Variants in DNAJC3 observed in about 807,000 individuals in gnomAD.
The protein encoded by DNAJC3 is dnaJ homolog subfamily C member 3.
DNAJC3 carries 38 observed loss-of-function variants against 68.6 expected under a neutral mutation model. The observed-to-expected ratio is 0.55, with a 90% CI of 0.43 to 0.73. The LOEUF is 0.73. DNAJC3 is among the 30% of genes least tolerant of loss of function. The pLI is 0.00. For missense variants in DNAJC3, 526 were observed against 591.9 expected (o/e 0.89, Z 1.16); for synonymous variants, 203 against 204.0 (o/e 1.00, Z 0.04).
chr13:95,690,189 T>C (rs891641619), intron 1 of DNAJC3, among the ~76,000 whole-genome samples: 4 of 151,874 alleles, frequency 2.6e-5, no homozygotes, highest in African/African-American at 9.7e-5. Flanking sequence ...TGATGACTCT[T>C]AAGGAGCATG....
Position 95,792,112 on chromosome 13 carries a change from A to C in DNAJC3, c.*1082A>C, listed in dbSNP as rs1883794974. On this transcript the variant is annotated 3_prime_UTR_variant, in exon 12 of 12. Coordinates refer to ENST00000602402, the MANE Select transcript of DNAJC3 (RefSeq NM_006260.5). ...CTTCTACCAGATCTTGATGCCTCTG[A>C]TTTTCTCCTGCCTACAAGAAAATAC... 1 of 151,938 alleles carries C rather than the reference A, an allele frequency of 6.6e-6. No homozygotes were observed. The allele number at this position is 151,938 out of a possible 1,614,324, so 9.4% of individuals were successfully genotyped here. A position where few individuals can be genotyped will look rare whatever the true frequency, so the allele number is the denominator to read the frequency against.
intron 9 of DNAJC3, among the ~76,000 whole-genome samples, chr13:95,766,529 G>T (rs775002794): frequency 1.3e-5 from 2 of 152,136 alleles, no homozygotes; most frequent in African/African-American, 2.4e-5. Context: ...GCTGTGTGAG[G>T]GCAGAGACCT....
At chr13:95,754,929 A>ACC (rs1882606246) in intron 4 of DNAJC3, among the ~76,000 whole-genome samples, 1 of 152,184 alleles carries the variant, frequency 6.6e-6, no homozygotes, top group South Asian at 2.1e-4. Flanking sequence ...AAGCTCAGTG[A>ACC]CCAGGATACA....
At chr13:95,719,404 A>G (rs1398768904) in intron 2 of DNAJC3, among the ~76,000 whole-genome samples, 1 of 152,170 alleles carries the variant, frequency 6.6e-6, no homozygotes, top group Non-Finnish European at 1.5e-5. Flanking sequence ...TCACTTAGGC[A>G]TGATGTATTA....
intron 4 of DNAJC3, among the ~76,000 whole-genome samples, chr13:95,732,653 T>G (rs12865086): frequency 2.6e-5 from 4 of 152,088 alleles, no homozygotes; most frequent in Admixed American, 6.5e-5. Context: ...CCTTGCATTG[T>G]TTTTTTAGTC....
intron 4 of DNAJC3, among the ~76,000 whole-genome samples, chr13:95,733,323 G>C (rs1190190994): frequency 6.6e-6 from 1 of 152,028 alleles, no homozygotes; most frequent in Non-Finnish European, 1.5e-5. Context: ...CCAGTGTTGG[G>C]TACATATATA....
intron 9 of DNAJC3, among the ~76,000 whole-genome samples, chr13:95,766,349 T>C (rs1307132383): frequency 6.6e-6 from 1 of 152,214 alleles, no homozygotes; most frequent in East Asian, 1.9e-4. Flanking sequence ...CTCTGAGATC[T>C]TGAAAAATCA....
chr13:95,691,147 AC>A (rs1328739613), intron 1 of DNAJC3, among the ~76,000 whole-genome samples: 27 of 122,000 alleles, frequency 2.2e-4, no homozygotes, highest in Admixed American at 4.1e-4. Flanking sequence ...CAGGGGGCTG[AC>A]CCCCCCACCT....
chr13:95,693,257 G>A (rs1389542488), intron 1 of DNAJC3: 1 of 152,056 alleles, frequency 6.6e-6, no homozygotes. Flanking sequence ...CCTTATTATT[G>A]GCAGCTTAGC....
At chr13:95,783,876 A>G (rs1410423928) in intron 9 of DNAJC3, among the ~76,000 whole-genome samples, 2 of 152,168 alleles carry the variant, frequency 1.3e-5, no homozygotes, top group Non-Finnish European at 2.9e-5. Context: ...AGGACTCTCT[A>G]CAAGGCCAGA....
Position 95,708,631 on chromosome 13 carries a change from C to T in DNAJC3, c.83-596C>T, listed in dbSNP as rs17883785. Reference sequence around the variant, plus strand: ...TTCTCAAGAAGGCCTGCCCTTTACGCGCTTATTTGCTACTCTAAGTCCCCT... The same window carrying T: ...TTCTCAAGAAGGCCTGCCCTTTACGTGCTTATTTGCTACTCTAAGTCCCCT... On this transcript the variant is annotated intron_variant, in intron 1 of 11. Transcript: ENST00000602402. Among the ~76,000 whole-genome samples, 114 of 152,200 alleles carry T rather than the reference C, an allele frequency of 7.5e-4. No homozygotes were observed. The East Asian group carries it at 0.019, about 25-fold the overall frequency.
chr13:95,709,449 A>G (rs1200143507), intron 2 of DNAJC3, 112 bp downstream of exon 2: 2 of 746,572 alleles, frequency 2.7e-6, no homozygotes, highest in Admixed American at 7.5e-5. Flanking sequence ...TAAATAAAAC[A>G]TTTAAATATA....
chr13:95,750,270 A>AG (rs1230224779), intron 4 of DNAJC3, among the ~76,000 whole-genome samples: 2 of 151,542 alleles, frequency 1.3e-5, no homozygotes, highest in Middle Eastern at 3.4e-3. Flanking sequence ...CTCAAAAAAA[A>AG]AAAAAAAAAA....
chr13:95,709,492 A>G (rs1276587471), intron 2 of DNAJC3, among the ~76,000 whole-genome samples, 155 bp downstream of exon 2: 1 of 152,194 alleles, frequency 6.6e-6, no homozygotes, highest in Non-Finnish European at 1.5e-5. Context: ...AGATGGATAA[A>G]ATAAATATAT....
chr13:95,677,210 G>T lies in DNAJC3; in HGVS notation c.-46G>T. ...TGCTGCCGGAGCGCCGGCGCGTGCT[G>T]GTGGGCCACACACCTTTCCTCCTCT... is the stretch of plus-strand genomic sequence containing the variant. On this transcript the variant is annotated 5_prime_UTR_variant, in exon 1 of 12. Coordinates refer to ENST00000602402, the MANE Select transcript of DNAJC3 (RefSeq NM_006260.5). The T allele has an allele frequency of 6.4e-7, 1 of 1,565,480 alleles. No homozygotes were observed. The highest frequency in any genetic ancestry group is 8.7e-7 in the Non-Finnish European group (1 of 1,154,012).
At chr13:95,701,450 T>C (rs889518296) in intron 1 of DNAJC3, among the ~76,000 whole-genome samples, 1 of 152,184 alleles carries the variant, frequency 6.6e-6, no homozygotes, top group Non-Finnish European at 1.5e-5. Flanking sequence ...ACTTAAAAAC[T>C]GCACAACAAA....
intron 9 of DNAJC3, among the ~76,000 whole-genome samples, chr13:95,782,830 C>T (rs1034204365): frequency 2.0e-5 from 3 of 152,196 alleles, no homozygotes; most frequent in Admixed American, 1.3e-4. Flanking sequence ...AATTAGATCC[C>T]ATTTGTCAAT....
intron 4 of DNAJC3, among the ~76,000 whole-genome samples, chr13:95,729,639 G>A (rs1477651803): frequency 6.6e-6 from 1 of 152,032 alleles, no homozygotes; most frequent in East Asian, 1.9e-4. Context: ...GCGTATAAGA[G>A]TTCCCTTTTC....
chr13:95,742,741 G>T (rs758271194), intron 4 of DNAJC3: 3 of 518,846 alleles, frequency 5.8e-6, no homozygotes, highest in African/African-American at 5.8e-5. Context: ...GATGCCTCTC[G>T]TCAGCCATCT....
Sources: gnomAD v4.1 joint callset for allele counts (sites outside exome capture counted in the v4.1 genomes callset) on GRCh38, gnomAD v4.1.1 for gene constraint, MANE v1.5 for transcripts, NCBI Gene and HGNC (gene_info 2026-07-23, HGNC 2026-07-21) for gene names.